The following SNTG1 variants were observed in gnomAD, a reference collection of about 807,000 sequenced individuals.
SNTG1 encodes gamma-1-syntrophin.
A neutral mutation model predicts 74.7 loss-of-function variants in SNTG1; 39 were observed. The observed-to-expected ratio is 0.52, with a 90% CI of 0.40 to 0.68. The LOEUF (loss-of-function observed/expected upper bound fraction) is 0.68. SNTG1 is among the 30% of genes least tolerant of loss of function. The pLI is 0.00. For synonymous variants in SNTG1, 254 were observed against 217.1 expected, an observed-to-expected ratio of 1.17 and a Z score of -1.49; for missense variants, 685 against 609.5, an observed-to-expected ratio of 1.12 and a Z score of -1.30.
chr8:50,023,598 A>G (rs540768178), intron 1 of SNTG1, among the ~76,000 whole-genome samples: 1 of 152,232 alleles, frequency 6.6e-6, no homozygotes, highest in East Asian at 1.9e-4. Flanking sequence ...GCCATTCCTG[A>G]AATTTTAGTA....
intron 2 of SNTG1, among the ~76,000 whole-genome samples, chr8:50,325,130 A>G (rs1175385749): frequency 6.6e-6 from 1 of 150,938 alleles, no homozygotes; most frequent in African/African-American, 2.4e-5. Flanking sequence ...CTGTAGTTAT[A>G]TGGCAAGTCA....
intron 1 of SNTG1, among the ~76,000 whole-genome samples, chr8:49,986,010 T>TA (rs1221138440): frequency 6.6e-6 from 1 of 152,108 alleles, no homozygotes; most frequent in African/African-American, 2.4e-5. Context: ...AGAAAAGTGT[T>TA]AGAGTTCTAC....
rs557845667 is a variant in SNTG1 at position 50,035,830 on chromosome 8, C to A, written c.-103+123599C>A. On this transcript the variant is annotated intron_variant, in intron 1 of 18. Transcript: ENST00000642720. ...ACACAAATCCGACAGCATGGAGGGC[C>A]AGATGGTGTTCCTCTGAACAAGATC... 9.2e-5 allele frequency among the ~76,000 whole-genome samples: 14 copies of A among 152,180 alleles called. No individual in the cohort carries two copies. The South Asian group carries it at 2.7e-3, about 29-fold the overall frequency.
intron 9 of SNTG1, among the ~76,000 whole-genome samples, chr8:50,520,788 A>G (rs1183508425): frequency 1.4e-4 from 21 of 152,158 alleles, no homozygotes; most frequent in Admixed American, 1.1e-3. Flanking sequence ...GCTGGAGAGG[A>G]TTTGGAGAAA....
chr8:50,774,104 A>C (rs2095634024), intron 18 of SNTG1, among the ~76,000 whole-genome samples: 1 of 152,020 alleles, frequency 6.6e-6, no homozygotes, highest in South Asian at 2.1e-4. Context: ...TAAATGAAGA[A>C]AAATAGCAGA....
intron 18 of SNTG1, among the ~76,000 whole-genome samples, chr8:50,756,625 A>G (rs1470355404): frequency 6.6e-6 from 1 of 151,470 alleles, no homozygotes; most frequent in African/African-American, 2.4e-5. Flanking sequence ...CCATTGATCT[A>G]TTTGTCTGTT....
intron 11 of SNTG1, among the ~76,000 whole-genome samples, chr8:50,546,319 G>A (rs557166550): frequency 6.6e-6 from 1 of 152,044 alleles, no homozygotes; most frequent in Admixed American, 6.5e-5. Context: ...GTGATGAGGG[G>A]GAAAGGGGAA....
At chr8:50,254,340 G>A (rs1437315258) in intron 2 of SNTG1, among the ~76,000 whole-genome samples, 1 of 152,114 alleles carries the variant, frequency 6.6e-6, no homozygotes, top group African/African-American at 2.4e-5. Flanking sequence ...AGTTTATTTT[G>A]CAGAACTCAC....
At chr8:50,014,660 C>G (rs185268780) in intron 1 of SNTG1, among the ~76,000 whole-genome samples, 2 of 152,016 alleles carry the variant, frequency 1.3e-5, no homozygotes, top group East Asian at 1.9e-4. Context: ...CAGATCCCCA[C>G]GGCAAAGGAT....
chr8:50,088,301 C>A (rs894471394), intron 1 of SNTG1, among the ~76,000 whole-genome samples: 1 of 146,644 alleles, frequency 6.8e-6, no homozygotes, highest in African/African-American at 2.5e-5. Context: ...CAATATCATA[C>A]TGAATGGGCA....
intron 1 of SNTG1, among the ~76,000 whole-genome samples, chr8:49,944,686 A>G (rs566556351): frequency 4.6e-4 from 70 of 151,858 alleles, no homozygotes; most frequent in Non-Finnish European, 9.4e-4. Flanking sequence ...TGTGTAACTA[A>G]CCTGCACATT....
chr8:50,156,725 C>A (rs1266265111), intron 1 of SNTG1, among the ~76,000 whole-genome samples: 1 of 152,014 alleles, frequency 6.6e-6, no homozygotes, highest in African/African-American at 2.4e-5. Context: ...AGGACCCAGG[C>A]ATGCCACTAA....
intron 4 of SNTG1, among the ~76,000 whole-genome samples, chr8:50,432,518 A>T (rs1374629018): frequency 6.6e-6 from 1 of 151,972 alleles, no homozygotes; most frequent in Non-Finnish European, 1.5e-5. Flanking sequence ...TGTCCATCTA[A>T]ACCTAAAAAT....
chr8:50,546,032 G>A (rs1410819374), intron 11 of SNTG1, among the ~76,000 whole-genome samples: 9 of 152,248 alleles, frequency 5.9e-5, no homozygotes, highest in Non-Finnish European at 1.3e-4. Context: ...ATCAGCGAAT[G>A]TGTGAAGCAG....
chr8:50,279,881 G>A (rs1451773664), intron 2 of SNTG1, among the ~76,000 whole-genome samples: 1 of 152,142 alleles, frequency 6.6e-6, no homozygotes. Flanking sequence ...TTCAATCAAT[G>A]CCTTCCCCAC....
chr8:50,657,144 T>C, intron 14 of SNTG1, 119 bp downstream of exon 14: 1 of 485,416 alleles, frequency 2.1e-6, no homozygotes, highest in Non-Finnish European at 3.5e-6. Flanking sequence ...AGAGAAAAAG[T>C]AGAAATCAGT....
At chr8:50,779,654 G>A (rs1237769087) in intron 18 of SNTG1, among the ~76,000 whole-genome samples, 1 of 149,266 alleles carries the variant, frequency 6.7e-6, no homozygotes, top group Non-Finnish European at 1.5e-5. Context: ...TGCAAACAGG[G>A]GCAATTTGAC....
chr8:50,606,581 A>C (rs1215640396), intron 13 of SNTG1, among the ~76,000 whole-genome samples: 2 of 151,962 alleles, frequency 1.3e-5, no homozygotes, highest in African/African-American at 4.8e-5. Context: ...TCTTTTTAAT[A>C]ATTCATGGCA....
At chr8:50,550,525 A>T (rs2094418780) in intron 11 of SNTG1, among the ~76,000 whole-genome samples, 1 of 152,212 alleles carries the variant, frequency 6.6e-6, no homozygotes, top group Non-Finnish European at 1.5e-5. Context: ...TTTGTATTTT[A>T]AATGAATAAA....
Sources: gnomAD v4.1 joint callset for allele counts (sites outside exome capture counted in the v4.1 genomes callset) on GRCh38, gnomAD v4.1.1 for gene constraint, MANE v1.5 for transcripts, NCBI Gene and HGNC (gene_info 2026-07-23, HGNC 2026-07-21) for gene names.